The following E2F5 variants were observed in gnomAD, a reference collection of about 807,000 sequenced individuals.
E2F5 encodes transcription factor E2F5.
A neutral mutation model predicts 39.1 loss-of-function variants in E2F5; 23 were observed. The ratio of observed to expected loss-of-function variants is 0.59; its 90% CI spans 0.42 to 0.83. The LOEUF is 0.83. Ranked by LOEUF, E2F5 falls within the 40% of genes least tolerant of loss-of-function variation. E2F5 has a pLI of 0.00. For synonymous variants in E2F5, 145 were observed against 157.8 expected (o/e 0.92, Z 0.61); for missense variants, 365 against 406.7 (o/e 0.90, Z 0.88).
intron 1 of E2F5, among the ~76,000 whole-genome samples, chr8:85,190,751 G>A (rs1383910691): frequency 9.2e-5 from 14 of 151,858 alleles, no homozygotes; most frequent in African/African-American, 2.2e-4. Flanking sequence ...TGATCTGCCC[G>A]CCTCAGCCTC....
chr8:85,198,403 C>T (rs1812625745), intron 1 of E2F5, among the ~76,000 whole-genome samples: 1 of 152,000 alleles, frequency 6.6e-6, no homozygotes, highest in Non-Finnish European at 1.5e-5. Flanking sequence ...CCCATTTCTT[C>T]TTACCTCTTT....
intron 1 of E2F5, among the ~76,000 whole-genome samples, chr8:85,178,585 C>T (rs1812136721): frequency 1.3e-5 from 2 of 152,202 alleles, no homozygotes; most frequent in Admixed American, 1.3e-4. Flanking sequence ...AAACAAAAAA[C>T]ACTAACTGCC....
intron 1 of E2F5, among the ~76,000 whole-genome samples, chr8:85,184,075 AG>A (rs1812276578): frequency 6.6e-6 from 1 of 152,206 alleles, no homozygotes; most frequent in African/African-American, 2.4e-5. Flanking sequence ...ATGAAAAAAA[AG>A]AAAATGTCAG....
intron 1 of E2F5, among the ~76,000 whole-genome samples, chr8:85,188,809 G>A (rs1263065994): frequency 6.6e-6 from 1 of 152,196 alleles, no homozygotes; most frequent in African/African-American, 2.4e-5. Flanking sequence ...TAGCATTGGA[G>A]CTAAAGGTAT....
intron 1 of E2F5, among the ~76,000 whole-genome samples, chr8:85,198,796 G>A (rs993869825): frequency 5.9e-5 from 9 of 151,972 alleles, no homozygotes; most frequent in Non-Finnish European, 1.2e-4. Context: ...CTGTCTATTC[G>A]CTGAAGACTA....
chr8:85,196,762 T>C (rs1812589939), intron 1 of E2F5, among the ~76,000 whole-genome samples: 1 of 152,226 alleles, frequency 6.6e-6, no homozygotes, highest in Non-Finnish European at 1.5e-5. Context: ...AATTAGATAA[T>C]GTCTCTGTAA....
At chr8:85,211,934 T>C (rs369295578) in intron 6 of E2F5, among the ~76,000 whole-genome samples, 44 of 152,174 alleles carry the variant, frequency 2.9e-4, no homozygotes, top group African/African-American at 1.1e-3. Context: ...TGAGCCACCA[T>C]GCCTGGCAGA....
intron 1 of E2F5, among the ~76,000 whole-genome samples, chr8:85,180,804 C>T (rs1260298518): frequency 6.6e-6 from 1 of 151,518 alleles, no homozygotes; most frequent in African/African-American, 2.4e-5. Context: ...TGGTCTCGAT[C>T]TTCTGACCTC....
intron 6 of E2F5, 118 bp downstream of exon 6, chr8:85,209,527 T>A: frequency 8.3e-7 from 1 of 1,205,690 alleles, no homozygotes; most frequent in East Asian, 2.6e-5. Flanking sequence ...CATTTTGGAA[T>A]ATTTGCATAT....
intron 5 of E2F5, 142 bp from the exon 6 acceptor site, chr8:85,209,000 C>T: frequency 1.2e-6 from 1 of 834,588 alleles, no homozygotes; most frequent in Non-Finnish European, 1.8e-6. Context: ...TATGTCTCTA[C>T]TTTTGTGTTT....
At position 85,214,488 on chromosome 8, in the gene E2F5, T is replaced by G; in HGVS notation, c.*626T>G. The G allele has an allele frequency of 9.2e-7, 1 of 1,092,300 alleles. No individual in the cohort carries two copies. Among genetic ancestry groups the G allele is most frequent in the Non-Finnish European group, 1.4e-6 (1 of 722,744 alleles). 67.7% of individuals were successfully genotyped at this position (1,092,300 alleles called of 1,614,324 possible). ...GCCAATGCCTGTACATTAACAAGATTTTTAAAAATAAAATTGTATAAAACA... is the reference window on the plus strand; with the variant it reads ...GCCAATGCCTGTACATTAACAAGATGTTTAAAAATAAAATTGTATAAAACA... On this transcript the variant is annotated 3_prime_UTR_variant, in exon 8 of 8. Transcript: ENST00000416274.
intron 1 of E2F5, among the ~76,000 whole-genome samples, chr8:85,183,490 G>A (rs1192286126): frequency 6.6e-6 from 1 of 152,156 alleles, no homozygotes; most frequent in Non-Finnish European, 1.5e-5. Flanking sequence ...GCCAAAATGT[G>A]GATGCAATCC....
intron 6 of E2F5, among the ~76,000 whole-genome samples, chr8:85,211,027 A>G (rs1812905186): frequency 6.6e-6 from 1 of 152,142 alleles, no homozygotes; most frequent in South Asian, 2.1e-4. Flanking sequence ...GGCCCTGGGA[A>G]GCAGAATTCA....
rs185166540 is a variant in E2F5 at position 85,201,986 on chromosome 8, G to T, written c.235-161G>T. ...TGGAATAATTTCTTTGGTATTTGCA[G>T]TGTTTGGGAGATGCTTTGAACATGC... On this transcript the variant is annotated intron_variant, in intron 1 of 7. Transcript: ENST00000416274. 21 of 629,844 alleles carry T rather than the reference G, an allele frequency of 3.3e-5. No individual in the cohort carries two copies. The East Asian group carries it at 5.8e-4, about 17-fold the overall frequency. The allele number at this position is 629,844 out of a possible 1,614,324, so 39.0% of individuals were successfully genotyped here.
intron 3 of E2F5, among the ~76,000 whole-genome samples, chr8:85,204,759 TA>T (rs1812767085): frequency 6.6e-6 from 1 of 152,010 alleles, no homozygotes; most frequent in Admixed American, 6.5e-5. Context: ...ATATATAAAC[TA>T]ACCAGTCAAG....
intron 1 of E2F5, 41 bp downstream of exon 1, chr8:85,177,695 C>G (rs779707189): frequency 1.9e-5 from 24 of 1,231,024 alleles, no homozygotes; most frequent in Non-Finnish European, 1.9e-5. Context: ...CTTCGGAACC[C>G]GTGGCCCCCG....
chr8:85,210,045 A>G (rs1812883075), intron 6 of E2F5, among the ~76,000 whole-genome samples: 1 of 152,240 alleles, frequency 6.6e-6, no homozygotes, highest in South Asian at 2.1e-4. Context: ...TATCAGGAGT[A>G]GAGAGCACAA....
intron 1 of E2F5, 64 bp from the exon 2 acceptor site, chr8:85,202,083 C>T: frequency 7.5e-7 from 1 of 1,326,694 alleles, no homozygotes; most frequent in Non-Finnish European, 1.1e-6. Flanking sequence ...AATAATCAAC[C>T]CTTTTTGGCT....
intron 1 of E2F5, among the ~76,000 whole-genome samples, chr8:85,185,455 A>G (rs957692082): frequency 1.3e-5 from 2 of 152,232 alleles, no homozygotes; most frequent in African/African-American, 4.8e-5. Flanking sequence ...AAGCATGGGC[A>G]AAGACTTCTT....
Sources: allele counts gnomAD v4.1 joint callset (sites outside exome capture counted in the v4.1 genomes callset), GRCh38; gene constraint gnomAD v4.1.1; transcripts MANE v1.5; gene names NCBI Gene and HGNC (gene_info 2026-07-23, HGNC 2026-07-21).